The following NRXN1 variants were observed in gnomAD, a reference collection of about 807,000 sequenced individuals.
The protein encoded by NRXN1 is neurexin-1.
In NRXN1, 39 loss-of-function variants were observed where a neutral mutation model predicts 150.9. That is an observed-to-expected ratio of 0.26 (90% CI 0.20 to 0.34). The LOEUF (loss-of-function observed/expected upper bound fraction) is 0.34, where lower values mean the gene tolerates loss of function less well. Ranked by LOEUF, NRXN1 falls within the 10% of genes least tolerant of loss-of-function variation. The pLI, the probability that NRXN1 is intolerant of heterozygous loss-of-function variation, is 1.00. For synonymous variants in NRXN1, 924 were observed against 757.0 expected, an observed-to-expected ratio of 1.22 and a Z score of -3.62; for missense variants, 1,815 against 1,949.9, an observed-to-expected ratio of 0.93 and a Z score of 1.30.
At chr2:50,890,030 T>A (rs1422841479) in intron 5 of NRXN1, among the ~76,000 whole-genome samples, 1 of 151,570 alleles carries the variant, frequency 6.6e-6, no homozygotes, top group East Asian at 1.9e-4. Context: ...CTACTTTCTA[T>A]GTGCTCATTC....
chr2:50,094,373 C>A (rs1276512843), intron 18 of NRXN1, among the ~76,000 whole-genome samples: 2 of 152,072 alleles, frequency 1.3e-5, no homozygotes, highest in East Asian at 3.9e-4. Context: ...TTTTTGGAGA[C>A]AGTTGAGATG....
At chr2:50,573,256 A>T (rs1670921340) in intron 8 of NRXN1, among the ~76,000 whole-genome samples, 1 of 151,970 alleles carries the variant, frequency 6.6e-6, no homozygotes, top group African/African-American at 2.4e-5. Context: ...CCAGCTACTC[A>T]GGAGGCTGAG....
At chr2:50,923,054 C>A (rs571182669) in intron 3 of NRXN1, among the ~76,000 whole-genome samples, 1 of 151,886 alleles carries the variant, frequency 6.6e-6, no homozygotes, top group South Asian at 2.1e-4. Flanking sequence ...TGTAATTCTT[C>A]AGTGATGAAA....
chr2:50,799,930 C>G (rs913404787), intron 5 of NRXN1, among the ~76,000 whole-genome samples: 39 of 151,942 alleles, frequency 2.6e-4, no homozygotes, highest in African/African-American at 8.9e-4. Context: ...GAGACAGAGA[C>G]AGAGAAACAC....
At chr2:49,938,950 G>C (rs1194010126) in intron 22 of NRXN1, among the ~76,000 whole-genome samples, 1 of 152,088 alleles carries the variant, frequency 6.6e-6, no homozygotes, top group African/African-American at 2.4e-5. Context: ...AACTTAAGTG[G>C]TTTTGCAGTG....
At chr2:50,756,072 C>T (rs565585636) in intron 5 of NRXN1, among the ~76,000 whole-genome samples, 11 of 151,908 alleles carry the variant, frequency 7.2e-5, no homozygotes, top group African/African-American at 2.7e-4. Context: ...AGACTCTGAG[C>T]AGAATTGCAG....
At chr2:50,433,250 A>G (rs2085130300) in intron 17 of NRXN1, among the ~76,000 whole-genome samples, 1 of 152,234 alleles carries the variant, frequency 6.6e-6, no homozygotes, top group Non-Finnish European at 1.5e-5. Context: ...AGTAATAGAA[A>G]TTCATTACTG....
At chr2:50,649,435 C>T (rs1235973920) in intron 5 of NRXN1, among the ~76,000 whole-genome samples, 1 of 151,994 alleles carries the variant, frequency 6.6e-6, no homozygotes, top group East Asian at 1.9e-4. Context: ...AACTCTGTAG[C>T]TCCCAAAACT....
chr2:50,043,691 A>C (rs1691366535), intron 21 of NRXN1, among the ~76,000 whole-genome samples: 1 of 152,180 alleles, frequency 6.6e-6, no homozygotes, highest in South Asian at 2.1e-4. Flanking sequence ...GTTTTTCTCA[A>C]GTGTGTTCCA....
At chr2:50,905,823 A>C (rs1457440655) in intron 5 of NRXN1, among the ~76,000 whole-genome samples, 21 of 152,140 alleles carry the variant, frequency 1.4e-4, no homozygotes, top group Admixed American at 1.4e-3. Context: ...TTACACATAG[A>C]GTTCCCTGGG....
intron 5 of NRXN1, chr2:50,656,494 G>A: frequency 1.5e-6 from 1 of 679,662 alleles, no homozygotes; most frequent in African/African-American, 1.8e-5. Context: ...CACACCAACT[G>A]AGGTCTGGGG....
chr2:50,574,973 T>A (rs923888095), intron 8 of NRXN1, among the ~76,000 whole-genome samples: 1 of 152,184 alleles, frequency 6.6e-6, no homozygotes, highest in South Asian at 2.1e-4. Flanking sequence ...TGCACTAATA[T>A]GCTCTCAGAG....
chr2:50,456,177 A>AT (rs1239077888), intron 17 of NRXN1, among the ~76,000 whole-genome samples: 3 of 152,036 alleles, frequency 2.0e-5, no homozygotes, highest in Non-Finnish European at 2.9e-5. Flanking sequence ...TTCAAGACCC[A>AT]TTTTTTTAAA....
intron 17 of NRXN1, among the ~76,000 whole-genome samples, chr2:50,337,051 G>A (rs2077232241): frequency 1.3e-5 from 2 of 151,652 alleles, no homozygotes; most frequent in Non-Finnish European, 1.5e-5. Context: ...ATAATGTAGA[G>A]GTTAAAAGCA....
intron 16 of NRXN1, among the ~76,000 whole-genome samples, chr2:50,469,294 G>A (rs2089232625): frequency 6.6e-6 from 1 of 151,488 alleles, no homozygotes; most frequent in South Asian, 2.1e-4. Context: ...CTCTAGCTGA[G>A]GTGAATTTTA....
At chr2:50,130,572 A>G (rs141415501) in intron 18 of NRXN1, among the ~76,000 whole-genome samples, 1 of 152,314 alleles carries the variant, frequency 6.6e-6, no homozygotes, top group African/African-American at 2.4e-5. Context: ...GCTGTTACAT[A>G]ATATATTCTA....
chr2:50,761,562 C>A (rs1469114952), intron 5 of NRXN1, among the ~76,000 whole-genome samples: 2 of 151,872 alleles, frequency 1.3e-5, no homozygotes, highest in Non-Finnish European at 2.9e-5. Flanking sequence ...ATTACCCAGA[C>A]TTGGGTATTT....
At chr2:50,932,977 A>C (rs1687989186) in intron 2 of NRXN1, among the ~76,000 whole-genome samples, 1 of 151,914 alleles carries the variant, frequency 6.6e-6, no homozygotes. Flanking sequence ...TTATTAAAGA[A>C]AAAAAAAGGC....
intron 17 of NRXN1, among the ~76,000 whole-genome samples, chr2:50,288,056 G>C (rs566244676): frequency 8.5e-5 from 13 of 152,158 alleles, no homozygotes; most frequent in African/African-American, 3.1e-4. Context: ...ATACATCTTT[G>C]AGGCTTTATC....
Sources: gnomAD v4.1 joint callset for allele counts (sites outside exome capture counted in the v4.1 genomes callset) on GRCh38, gnomAD v4.1.1 for gene constraint, MANE v1.5 for transcripts, NCBI Gene and HGNC (gene_info 2026-07-23, HGNC 2026-07-21) for gene names.